INPP4B: variants seen among roughly 807,000 people sequenced by gnomAD.
The protein encoded by INPP4B is inositol polyphosphate-4-phosphatase type II B, also known as inositol polyphosphate 4-phosphatase type II.
In INPP4B, 55 loss-of-function variants were observed where a neutral mutation model predicts 122.5. The ratio of observed to expected loss-of-function variants is 0.45; its 90% CI spans 0.36 to 0.56. The LOEUF is 0.56. Among genes scored for constraint, INPP4B ranks in the 20% least tolerant of loss-of-function variants. The probability of loss-of-function intolerance (pLI) is 0.00; values close to 1 mark genes in which losing one functional copy is unlikely to be tolerated. For missense variants in INPP4B, 1,000 were observed against 1,097.7 expected, an observed-to-expected ratio of 0.91 and a Z score of 1.26; for synonymous variants, 403 against 388.7, an observed-to-expected ratio of 1.04 and a Z score of -0.43.
At chr4:142,203,760 C>G (rs892741481) in intron 14 of INPP4B, among the ~76,000 whole-genome samples, 8 of 151,916 alleles carry the variant, frequency 5.3e-5, no homozygotes, top group African/African-American at 1.9e-4. Context: ...ACTCTGCCAG[C>G]TATTGTTTGC....
intron 1 of INPP4B, among the ~76,000 whole-genome samples, chr4:142,752,206 C>T (rs779686922): frequency 2.0e-5 from 3 of 151,938 alleles, no homozygotes; most frequent in Non-Finnish European, 4.4e-5. Context: ...ACATCACATC[C>T]AGCTGAAAAA....
intron 7 of INPP4B, among the ~76,000 whole-genome samples, chr4:142,390,555 C>T (rs1282922186): frequency 6.6e-6 from 1 of 152,016 alleles, no homozygotes; most frequent in Non-Finnish European, 1.5e-5. Context: ...CTACAGAGGG[C>T]CCCTAAAACA....
At chr4:142,682,004 A>T (rs1406096851) in intron 2 of INPP4B, among the ~76,000 whole-genome samples, 1 of 151,840 alleles carries the variant, frequency 6.6e-6, no homozygotes, top group African/African-American at 2.4e-5. Flanking sequence ...TTTAATCTTA[A>T]TGTACACCTT....
chr4:142,552,326 A>G (rs6537109), intron 2 of INPP4B, among the ~76,000 whole-genome samples: 36,250 of 151,996 alleles, frequency 0.24, 5,435 homozygotes, highest in East Asian at 0.79. Context: ...TGGCTCCCCA[A>G]TGATGCTGAG....
chr4:142,836,889 G>A (rs935421929), intron 1 of INPP4B, among the ~76,000 whole-genome samples: 3 of 152,144 alleles, frequency 2.0e-5, no homozygotes, highest in Non-Finnish European at 4.4e-5. Context: ...AAAGGGGCCA[G>A]GCGTGGTGGC....
At position 142,160,500 on chromosome 4, in the gene INPP4B, T is replaced by C. The variant is rs1819585114; in HGVS notation, c.1421A>G (p.Tyr474Cys). Residue 474 changes from tyrosine (Y) to cysteine (C), a missense_variant, in exon 17 of 26, where the codon TAC becomes TGC. Coordinates refer to ENST00000262992, the MANE Select transcript of INPP4B (RefSeq NM_001101669.3). The stretch of plus-strand genomic sequence containing the variant: ...AAGAATGCCTCCTGGCCTTGCAGTG[T>C]AGAGTGCTAAAAGAGCACTCCTGAC... ...QLVRSALLAL[Y>C]TARPGGILKK... The C allele has an allele frequency of 6.2e-7, 1 of 1,612,388 alleles. No homozygotes were observed. Among genetic ancestry groups the C allele is most frequent in the Non-Finnish European group, 8.5e-7 (1 of 1,178,998 alleles).
At chr4:142,811,508 T>C (rs961732423) in intron 1 of INPP4B, among the ~76,000 whole-genome samples, 1 of 152,176 alleles carries the variant, frequency 6.6e-6, no homozygotes, top group Non-Finnish European at 1.5e-5. Flanking sequence ...TATGTCATGA[T>C]TCAGAAAGGG....
At chr4:142,834,987 C>T (rs1436893836) in intron 1 of INPP4B, among the ~76,000 whole-genome samples, 2 of 152,158 alleles carry the variant, frequency 1.3e-5, no homozygotes, top group African/African-American at 4.8e-5. Flanking sequence ...TTGCTGAGCT[C>T]AATTATCTAG....
In INPP4B at chr4:142,643,940, C is replaced by T. The variant is rs571238505; in HGVS notation, c.-191+81899G>A. The stretch of plus-strand genomic sequence containing the variant: ...CTGGAGCTGGGTGCAGTGGCTCATG[C>T]CTGTAATCCCAGTGCTTTGGGAGGC... On this transcript the variant is annotated intron_variant, in intron 2 of 25. Coordinates refer to ENST00000262992, the MANE Select transcript of INPP4B (RefSeq NM_001101669.3). Among the ~76,000 whole-genome samples, 3 of 152,244 alleles carry T rather than the reference C, an allele frequency of 2.0e-5. No individual in the cohort carries two copies. In the East Asian group the frequency reaches 5.8e-4, roughly 29 times the overall value.
At chr4:142,305,232 G>GT (rs1317397205) in intron 9 of INPP4B, among the ~76,000 whole-genome samples, 3 of 152,106 alleles carry the variant, frequency 2.0e-5, no homozygotes, top group East Asian at 3.9e-4. Context: ...ATGTAATATT[G>GT]TTTTTTTCTT....
At chr4:142,130,756 C>A (rs1035161837) in intron 18 of INPP4B, among the ~76,000 whole-genome samples, 3 of 152,158 alleles carry the variant, frequency 2.0e-5, no homozygotes, top group Admixed American at 1.3e-4. Flanking sequence ...GATCTTAGCA[C>A]CTTCCACATG....
At chr4:142,750,649 G>T (rs1769544128) in intron 1 of INPP4B, among the ~76,000 whole-genome samples, 1 of 152,136 alleles carries the variant, frequency 6.6e-6, no homozygotes. Flanking sequence ...ATGGGAAGAG[G>T]TCTGAGAGCA....
At chr4:142,788,312 A>C (rs2151053960) in intron 1 of INPP4B, among the ~76,000 whole-genome samples, 1 of 152,276 alleles carries the variant, frequency 6.6e-6, no homozygotes, top group African/African-American at 2.4e-5. Flanking sequence ...AGATTAAAAA[A>C]TGCTCATATA....
chr4:142,775,517 TCCCCA>T (rs1773736787), intron 1 of INPP4B, among the ~76,000 whole-genome samples: 1 of 39,866 alleles, frequency 2.5e-5, no homozygotes, highest in Non-Finnish European at 5.0e-5. Flanking sequence ...TCCCCTCCCC[TCCCCA>T]CCCCTCCCCT....
At chr4:142,260,235 CG>C (rs1313969630) in intron 11 of INPP4B, among the ~76,000 whole-genome samples, 1 of 152,124 alleles carries the variant, frequency 6.6e-6, no homozygotes, top group East Asian at 1.9e-4. Context: ...CCGCCCGCCT[CG>C]GCCTCCCAAA....
chr4:142,790,925 C>A (rs1373561310), intron 1 of INPP4B, among the ~76,000 whole-genome samples: 1 of 151,948 alleles, frequency 6.6e-6, no homozygotes, highest in African/African-American at 2.4e-5. Context: ...CATCCCACTC[C>A]CACTCTCTAA....
chr4:142,828,782 T>G (rs1165539395), intron 1 of INPP4B, among the ~76,000 whole-genome samples: 34 of 143,586 alleles, frequency 2.4e-4, no homozygotes, highest in Middle Eastern at 4.6e-3. Context: ...AGTGCCCAAA[T>G]AAATAAGAGA....
chr4:142,246,157 T>C (rs1233567251), intron 11 of INPP4B, among the ~76,000 whole-genome samples: 1 of 148,706 alleles, frequency 6.7e-6, no homozygotes, highest in Admixed American at 6.6e-5. Context: ...CATATATGTG[T>C]TTTGGTACCA....
chr4:142,492,909 G>C (rs1465176446), intron 2 of INPP4B, among the ~76,000 whole-genome samples: 5 of 152,176 alleles, frequency 3.3e-5, no homozygotes, highest in African/African-American at 1.2e-4. Context: ...ACAGCAGCCT[G>C]TCCCATCACA....
Sources: gnomAD v4.1 joint callset for allele counts (sites outside exome capture counted in the v4.1 genomes callset) on GRCh38, gnomAD v4.1.1 for gene constraint, MANE v1.5 for transcripts, NCBI Gene and HGNC (gene_info 2026-07-23, HGNC 2026-07-21) for gene names.